Variants in MGMT observed in about 807,000 individuals in gnomAD.
MGMT encodes O-6-methylguanine-DNA methyltransferase, also known as methylated-DNA--protein-cysteine methyltransferase.
MGMT carries 14 observed loss-of-function variants against 15.9 expected under a neutral mutation model. That is an observed-to-expected ratio of 0.88 (90% CI 0.58 to 1.37). MGMT has a LOEUF of 1.37. Ranked by LOEUF, MGMT falls within the 40% of genes most tolerant of loss-of-function variation. The pLI, the probability that MGMT is intolerant of heterozygous loss-of-function variation, is 0.00. For synonymous variants in MGMT, 130 were observed against 118.2 expected, an observed-to-expected ratio of 1.10 and a Z score of -0.65; for missense variants, 282 against 268.1, an observed-to-expected ratio of 1.05 and a Z score of -0.36.
chr10:129,551,376 A>G (rs1245801653), intron 2 of MGMT, among the ~76,000 whole-genome samples: 4 of 152,118 alleles, frequency 2.6e-5, no homozygotes, highest in Non-Finnish European at 5.9e-5. Context: ...GATAGGTAGG[A>G]GAGTTGCAGG....
intron 4 of MGMT, among the ~76,000 whole-genome samples, chr10:129,764,273 A>G (rs1848908062): frequency 6.6e-6 from 1 of 151,030 alleles, no homozygotes; most frequent in Admixed American, 6.6e-5. Context: ...TCGAAGATGC[A>G]GCAGCATCAG....
intron 2 of MGMT, among the ~76,000 whole-genome samples, chr10:129,551,916 C>T (rs1456208033): frequency 6.6e-6 from 1 of 152,148 alleles, no homozygotes; most frequent in African/African-American, 2.4e-5. Context: ...GTACCAAAGG[C>T]GAGTCCCCAG....
intron 2 of MGMT, among the ~76,000 whole-genome samples, chr10:129,601,285 C>T (rs1458220620): frequency 6.6e-6 from 1 of 152,182 alleles, no homozygotes; most frequent in Non-Finnish European, 1.5e-5. Flanking sequence ...ATATCAAATA[C>T]TGTTTCTCTT....
chr10:129,488,038 C>CAT (rs1845430999), intron 1 of MGMT, among the ~76,000 whole-genome samples: 1 of 147,466 alleles, frequency 6.8e-6, no homozygotes, highest in Admixed American at 6.8e-5. Flanking sequence ...CACACACACA[C>CAT]ACATGAATAT....
intron 2 of MGMT, among the ~76,000 whole-genome samples, chr10:129,698,054 A>G (rs966523333): frequency 6.6e-6 from 1 of 152,170 alleles, no homozygotes; most frequent in African/African-American, 2.4e-5. Flanking sequence ...TGGTCTGTGC[A>G]GGAAAGAGTG....
intron 3 of MGMT, among the ~76,000 whole-genome samples, chr10:129,736,410 C>G (rs972458868): frequency 6.7e-6 from 1 of 150,318 alleles, no homozygotes; most frequent in African/African-American, 2.4e-5. Context: ...TTTCCATTTG[C>G]TTGGTAGATC....
At chr10:129,645,881 C>T (rs1017090548) in intron 2 of MGMT, among the ~76,000 whole-genome samples, 1 of 152,218 alleles carries the variant, frequency 6.6e-6, no homozygotes, top group Non-Finnish European at 1.5e-5. Flanking sequence ...GGCCTGTCTG[C>T]TCATGGGGAA....
At chr10:129,557,515 T>A (rs899204492) in intron 2 of MGMT, among the ~76,000 whole-genome samples, 1 of 152,248 alleles carries the variant, frequency 6.6e-6, no homozygotes, top group South Asian at 2.1e-4. Flanking sequence ...GATAATAACC[T>A]AGGACCTTAA....
intron 3 of MGMT, among the ~76,000 whole-genome samples, chr10:129,713,486 T>C (rs1848256263): frequency 6.6e-6 from 1 of 152,120 alleles, no homozygotes; most frequent in African/African-American, 2.4e-5. Flanking sequence ...TGAGAGTGGA[T>C]GGCAGGCCCG....
chr10:129,486,481 G>A (rs181540334), intron 1 of MGMT, among the ~76,000 whole-genome samples: 27 of 152,166 alleles, frequency 1.8e-4, no homozygotes, highest in South Asian at 4.2e-4. Context: ...GAGCCACTGC[G>A]CCCAGCCGGT....
At chr10:129,553,984 T>TCTGC (rs1846186348) in intron 2 of MGMT, among the ~76,000 whole-genome samples, 1 of 152,182 alleles carries the variant, frequency 6.6e-6, no homozygotes, top group Non-Finnish European at 1.5e-5. Flanking sequence ...GGCTCCCCAG[T>TCTGC]CTGCGGACAC....
At chr10:129,615,837 G>T (rs1487032799) in intron 2 of MGMT, among the ~76,000 whole-genome samples, 2 of 152,122 alleles carry the variant, frequency 1.3e-5, no homozygotes, top group Non-Finnish European at 2.9e-5. Context: ...AGACAGGAAG[G>T]GTCCAGGTAT....
At chr10:129,661,906 C>T (rs1847602603) in intron 2 of MGMT, among the ~76,000 whole-genome samples, 1 of 152,168 alleles carries the variant, frequency 6.6e-6, no homozygotes, top group Non-Finnish European at 1.5e-5. Context: ...TTGCTACACC[C>T]TTTCCATAGG....
chr10:129,742,648 C>T (rs1218164893), intron 3 of MGMT, among the ~76,000 whole-genome samples: 1 of 150,120 alleles, frequency 6.7e-6, no homozygotes, highest in Non-Finnish European at 1.5e-5. Flanking sequence ...AGGGCCGGGG[C>T]ATTCAGCAGT....
chr10:129,716,891 A>T (rs1848305311), intron 3 of MGMT, among the ~76,000 whole-genome samples: 2 of 152,260 alleles, frequency 1.3e-5, no homozygotes, highest in African/African-American at 4.8e-5. Flanking sequence ...AAATGGTTTA[A>T]GCTACTTAGG....
chr10:129,565,643 C>A (rs1846345712), intron 2 of MGMT, among the ~76,000 whole-genome samples: 1 of 152,116 alleles, frequency 6.6e-6, no homozygotes, highest in Non-Finnish European at 1.5e-5. Flanking sequence ...GTAACAGGAG[C>A]CGCGTGAAAG....
intron 2 of MGMT, among the ~76,000 whole-genome samples, chr10:129,582,544 G>A (rs895432308): frequency 2.0e-5 from 3 of 151,524 alleles, no homozygotes; most frequent in Non-Finnish European, 4.4e-5. Flanking sequence ...TTAAAAGACA[G>A]TTACAAATTA....
intron 1 of MGMT, among the ~76,000 whole-genome samples, chr10:129,520,999 A>T (rs1357516004): frequency 6.6e-6 from 1 of 151,722 alleles, no homozygotes; most frequent in East Asian, 1.9e-4. Context: ...CGGTGCGCGT[A>T]CGGGGCCCCT....
At chr10:129,682,872 G>A (rs574233281) in intron 2 of MGMT, among the ~76,000 whole-genome samples, 14 of 152,258 alleles carry the variant, frequency 9.2e-5, no homozygotes, top group Admixed American at 2.6e-4. Context: ...TTTTTGAGAC[G>A]GAGTTTCACT....
Sources: gnomAD v4.1 joint callset for allele counts (sites outside exome capture counted in the v4.1 genomes callset) on GRCh38, gnomAD v4.1.1 for gene constraint, MANE v1.5 for transcripts, NCBI Gene and HGNC (gene_info 2026-07-23, HGNC 2026-07-21) for gene names.